Variants in RBFOX1 observed in about 807,000 individuals in gnomAD.
The protein encoded by RBFOX1 is RNA binding protein fox-1 homolog 1.
Under a neutral mutation model 57.7 loss-of-function variants are expected in RBFOX1, and 8 were observed. That is an observed-to-expected ratio of 0.14 (90% CI 0.08 to 0.25). RBFOX1 has a LOEUF of 0.25. Among genes scored for constraint, RBFOX1 ranks in the 10% least tolerant of loss-of-function variants. The pLI, the probability that RBFOX1 is intolerant of heterozygous loss-of-function variation, is 1.00. For synonymous variants in RBFOX1, 326 were observed against 222.4 expected, an observed-to-expected ratio of 1.47 and a Z score of -4.15; for missense variants, 611 against 548.5, an observed-to-expected ratio of 1.11 and a Z score of -1.14.
intron 3 of RBFOX1, among the ~76,000 whole-genome samples, chr16:5,708,450 A>T (rs1205923323): frequency 6.6e-6 from 1 of 152,172 alleles, no homozygotes; most frequent in Non-Finnish European, 1.5e-5. Flanking sequence ...CTGTACAAAC[A>T]TTTAATTTAT....
chr16:5,459,667 G>T (rs974352604), intron 1 of RBFOX1, among the ~76,000 whole-genome samples: 1 of 151,902 alleles, frequency 6.6e-6, no homozygotes, highest in African/African-American at 2.4e-5. Flanking sequence ...AAGCAAGTCG[G>T]GAAATGAGAG....
At chr16:7,703,134 A>G (rs1295560354) in intron 14 of RBFOX1, among the ~76,000 whole-genome samples, 2 of 152,228 alleles carry the variant, frequency 1.3e-5, no homozygotes, top group Non-Finnish European at 2.9e-5. Flanking sequence ...CCCTGTTGCT[A>G]TGCTGTACGG....
intron 4 of RBFOX1, among the ~76,000 whole-genome samples, chr16:7,426,824 TG>T (rs756113538): frequency 1.4e-4 from 21 of 152,270 alleles, no homozygotes; most frequent in Non-Finnish European, 2.6e-4. Flanking sequence ...GCAGGCTGTC[TG>T]GGGGACAGGT....
intron 3 of RBFOX1, among the ~76,000 whole-genome samples, chr16:5,769,536 C>T (rs898521397): frequency 1.3e-5 from 2 of 151,788 alleles, no homozygotes; most frequent in Non-Finnish European, 2.9e-5. Flanking sequence ...ACCTGTAATC[C>T]CATCTACTTG....
intron 3 of RBFOX1, among the ~76,000 whole-genome samples, chr16:5,712,164 A>T (rs906949098): frequency 1.3e-5 from 2 of 152,136 alleles, no homozygotes; most frequent in African/African-American, 4.8e-5. Flanking sequence ...ATAGGCGAAA[A>T]CTGCCCCCAT....
intron 2 of RBFOX1, among the ~76,000 whole-genome samples, chr16:6,537,215 C>T (rs1016575): frequency 2.0e-5 from 3 of 152,110 alleles, no homozygotes; most frequent in Non-Finnish European, 2.9e-5. Context: ...TTCGGCACTT[C>T]TAATAAGCTT....
intron 3 of RBFOX1, among the ~76,000 whole-genome samples, chr16:5,865,427 C>T (rs902444715): frequency 6.6e-6 from 1 of 152,180 alleles, no homozygotes; most frequent in African/African-American, 2.4e-5. Context: ...GCCCCGGATT[C>T]ATGGCTTGGC....
intron 2 of RBFOX1, among the ~76,000 whole-genome samples, chr16:6,350,178 T>C (rs895600358): frequency 6.6e-6 from 1 of 152,070 alleles, no homozygotes; most frequent in African/African-American, 2.4e-5. Flanking sequence ...GTTTCACGCC[T>C]GTAATCCCAG....
chr16:6,762,060 G>A (rs1342132738), intron 3 of RBFOX1, among the ~76,000 whole-genome samples: 1 of 151,374 alleles, frequency 6.6e-6, no homozygotes, highest in Non-Finnish European at 1.5e-5. Context: ...GATTTCTCTG[G>A]AGCCTGATCT....
At chr16:6,248,970 T>G (rs924061176) in intron 1 of RBFOX1, among the ~76,000 whole-genome samples, 4 of 152,136 alleles carry the variant, frequency 2.6e-5, no homozygotes, top group African/African-American at 9.7e-5. Context: ...GGAACAGTGG[T>G]GGATGAGACA....
At chr16:7,271,629 C>G (rs2095320479) in intron 4 of RBFOX1, among the ~76,000 whole-genome samples, 1 of 152,124 alleles carries the variant, frequency 6.6e-6, no homozygotes, top group South Asian at 2.1e-4. Flanking sequence ...AGATACGTGA[C>G]TACTAACCAA....
At chr16:6,027,571 C>T (rs1034326443) in intron 1 of RBFOX1, among the ~76,000 whole-genome samples, 3 of 152,138 alleles carry the variant, frequency 2.0e-5, no homozygotes, top group Non-Finnish European at 2.9e-5. Context: ...TTGTACAGTC[C>T]GTCTGAGGAT....
intron 3 of RBFOX1, among the ~76,000 whole-genome samples, chr16:5,681,777 A>G (rs2050347473): frequency 6.6e-6 from 1 of 152,114 alleles, no homozygotes; most frequent in South Asian, 2.1e-4. Flanking sequence ...TTTTAACAAC[A>G]TGTGCAAAGG....
chr16:7,287,425 C>G (rs2095671623), intron 4 of RBFOX1, among the ~76,000 whole-genome samples: 1 of 152,078 alleles, frequency 6.6e-6, no homozygotes, highest in South Asian at 2.1e-4. Context: ...TCTAGAATCA[C>G]CATCAAACTT....
intron 2 of RBFOX1, among the ~76,000 whole-genome samples, chr16:5,514,950 T>C (rs2043736135): frequency 6.6e-6 from 1 of 152,206 alleles, no homozygotes; most frequent in African/African-American, 2.4e-5. Flanking sequence ...TGTCTGCTTT[T>C]GGTCAGGACC....
At chr16:6,489,784 C>G (rs62016830) in intron 2 of RBFOX1, among the ~76,000 whole-genome samples, 28,834 of 152,082 alleles carry the variant, frequency 0.19, 2,749 homozygotes, top group Middle Eastern at 0.26. Flanking sequence ...GTCAGGAGGT[C>G]TTGTGAATTC....
chr16:7,476,367 C>T (rs554581364), intron 4 of RBFOX1, among the ~76,000 whole-genome samples: 6 of 152,212 alleles, frequency 3.9e-5, no homozygotes, highest in Non-Finnish European at 7.3e-5. Context: ...GATCCTCCAT[C>T]TGGAATACGT....
intron 3 of RBFOX1, among the ~76,000 whole-genome samples, chr16:6,885,275 C>G (rs541225693): frequency 6.6e-6 from 1 of 152,172 alleles, no homozygotes; most frequent in East Asian, 1.9e-4. Context: ...TGGAAACTTG[C>G]TACAGACGCG....
intron 4 of RBFOX1, among the ~76,000 whole-genome samples, chr16:7,373,913 C>A (rs1021079255): frequency 1.3e-5 from 2 of 152,162 alleles, no homozygotes; most frequent in Non-Finnish European, 2.9e-5. Context: ...TAGCTTATAA[C>A]TTAGGCTCCT....
Sources: allele counts gnomAD v4.1 joint callset (sites outside exome capture counted in the v4.1 genomes callset), GRCh38; gene constraint gnomAD v4.1.1; transcripts MANE v1.5; gene names NCBI Gene and HGNC (gene_info 2026-07-23, HGNC 2026-07-21).